Variants in CDH23 observed in about 807,000 individuals in gnomAD.
CDH23 encodes cadherin-23.
CDH23 carries 189 observed loss-of-function variants against 317.1 expected under a neutral mutation model. The observed-to-expected ratio is 0.60, with a 90% CI of 0.53 to 0.67. The LOEUF (loss-of-function observed/expected upper bound fraction) is 0.67, where lower values mean the gene tolerates loss of function less well. CDH23 is among the 30% of genes least tolerant of loss of function. The probability of loss-of-function intolerance (pLI) is 0.00; values close to 1 mark genes in which losing one functional copy is unlikely to be tolerated. For synonymous variants in CDH23, 1,839 were observed against 1,876.8 expected, an observed-to-expected ratio of 0.98 and a Z score of 0.52; for missense variants, 4,401 against 4,592.4, an observed-to-expected ratio of 0.96 and a Z score of 1.20.
chr10:71,475,591 A>G (rs1185040156), intron 3 of CDH23, among the ~76,000 whole-genome samples: 1 of 152,226 alleles, frequency 6.6e-6, no homozygotes, highest in Non-Finnish European at 1.5e-5. Context: ...AAGGTCTGTC[A>G]TCCTGTATGC....
At chr10:71,698,560 A>G (rs1338920000) in intron 22 of CDH23, among the ~76,000 whole-genome samples, 2 of 151,890 alleles carry the variant, frequency 1.3e-5, no homozygotes, top group East Asian at 3.9e-4. Flanking sequence ...CCCATCCCCA[A>G]CACACAGGCC....
rs546282440 is a variant in CDH23, at chr10:71,734,474, C to T, written c.4206+133C>T. ...CGAGGGTCTTGATAGCCTGAGGCTTCGCCATGTCCAGCCATGCCACACCTT... is the reference window on the plus strand; with the variant it reads ...CGAGGGTCTTGATAGCCTGAGGCTTTGCCATGTCCAGCCATGCCACACCTT... On this transcript the variant is annotated intron_variant, in intron 33 of 69. Coordinates refer to ENST00000224721, the MANE Select transcript of CDH23 (RefSeq NM_022124.6). 1.6e-3 allele frequency: 2,402 copies of T among 1,506,250 alleles called. 5 individuals are homozygous for T. Among genetic ancestry groups the T allele is most frequent in the Non-Finnish European group, 2.0e-3 (2,231 of 1,109,746 alleles). The allele number at this position is 1,506,250 out of a possible 1,614,324, so 93.3% of individuals were successfully genotyped here.
chr10:71,504,520 C>G (rs1482170176), intron 3 of CDH23, among the ~76,000 whole-genome samples: 1 of 152,196 alleles, frequency 6.6e-6, no homozygotes, highest in Non-Finnish European at 1.5e-5. Flanking sequence ...GGCATGAACA[C>G]AGATGCACAG....
At chr10:71,664,059 T>C (rs972205614) in intron 14 of CDH23, among the ~76,000 whole-genome samples, 3 of 149,684 alleles carry the variant, frequency 2.0e-5, no homozygotes, top group Admixed American at 6.6e-5. Context: ...CAGTGCCAGG[T>C]CCACAGATGG....
chr10:71,496,248 A>T (rs371323534), intron 3 of CDH23, among the ~76,000 whole-genome samples: 25 of 152,362 alleles, frequency 1.6e-4, no homozygotes, highest in African/African-American at 1.2e-4. Flanking sequence ...TCAGGTTGAG[A>T]TGCATGGCCT....
Position 71,815,047 on chromosome 10 carries a change from GC to G in CDH23, c.9837del (p.Asp3280MetfsTer36). 1.2e-6 allele frequency: 2 copies of G among 1,612,504 alleles called. No individual in the cohort carries two copies. The highest frequency in any genetic ancestry group is 1.7e-6 in the Non-Finnish European group (2 of 1,179,646). On this transcript the variant is annotated frameshift_variant, in exon 70 of 70. Transcript: ENST00000224721. LOFTEE classifies it high-confidence loss of function. The stretch of plus-strand genomic sequence containing the variant: ...ACAAGCCACCAGTGGAGCTCAAGGG[GC>G]CCGATGGGATCCATGTGGTGCACGG... ...RHKPPVELKGPDGIHVVHGST... is the reference protein window; with the variant it reads ...RHKPPVELKGXDGIHVVHGST...
intron 1 of CDH23, among the ~76,000 whole-genome samples, chr10:71,432,412 T>TGA (rs1200236576): frequency 1.1e-5 from 1 of 87,504 alleles, no homozygotes; most frequent in Non-Finnish European, 3.0e-5. Flanking sequence ...TTTGTGTGTG[T>TGA]GTGAGTGTGT....
At chr10:71,730,192 G>C (rs1038794153) in intron 30 of CDH23, among the ~76,000 whole-genome samples, 12 of 152,170 alleles carry the variant, frequency 7.9e-5, no homozygotes, top group Non-Finnish European at 1.3e-4. Flanking sequence ...GCCCCAAAGA[G>C]TCACTAATTA....
chr10:71,475,656 T>TC (rs1161869263), intron 3 of CDH23, among the ~76,000 whole-genome samples: 3 of 152,060 alleles, frequency 2.0e-5, no homozygotes, highest in African/African-American at 4.8e-5. Flanking sequence ...GGGGTCCCCG[T>TC]CCCCTGCTGG....
rs776230069 is a variant in CDH23, at chr10:71,759,846, C to CACACACACACACACACAT, written c.4846-17833_4846-17832insCACACACACACACACATA. Among the ~76,000 whole-genome samples the CACACACACACACACACAT allele has an allele frequency of 6.6e-3, 397 of 59,950 alleles. 13 individuals are homozygous for CACACACACACACACACAT. Among genetic ancestry groups the CACACACACACACACACAT allele is most frequent in the Non-Finnish European group, 9.1e-3 (263 of 29,036 alleles). 39.3% of individuals were successfully genotyped at this position (59,950 alleles called of 152,430 possible). Reference sequence around the variant, plus strand: ...ACACACACACACACACACACACACACATATACACACACACACACATATATA... The same window carrying CACACACACACACACACAT: ...ACACACACACACACACACACACACACACACACACACACACACATATATACACACACACACACATATATA... On this transcript the variant is annotated intron_variant, in intron 38 of 69. Transcript: ENST00000224721.
intron 1 of CDH23, among the ~76,000 whole-genome samples, chr10:71,415,781 T>A (rs1848508674): frequency 6.6e-6 from 1 of 152,218 alleles, no homozygotes; most frequent in African/African-American, 2.4e-5. Flanking sequence ...CCTCATTGCT[T>A]TATTTCCAAG....
chr10:71,448,327 G>A (rs899824249), intron 3 of CDH23, among the ~76,000 whole-genome samples: 4 of 152,210 alleles, frequency 2.6e-5, no homozygotes, highest in African/African-American at 2.4e-5. Flanking sequence ...TTTTGCAAAC[G>A]CCAGCATCGA....
At chr10:71,564,625 C>T (rs1018071818) in intron 6 of CDH23, among the ~76,000 whole-genome samples, 2 of 152,224 alleles carry the variant, frequency 1.3e-5, no homozygotes, top group Admixed American at 6.5e-5. Context: ...CAAATGTCCT[C>T]GCCTCCCCGA....
At chr10:71,650,117 G>T (rs750832267) in intron 14 of CDH23, among the ~76,000 whole-genome samples, 3 of 152,218 alleles carry the variant, frequency 2.0e-5, no homozygotes, top group Non-Finnish European at 4.4e-5. Context: ...TCCCAGGGTC[G>T]CTCCAGGTGG....
In CDH23 at chr10:71,577,933, T is replaced by C. The variant is rs1170656610; in HGVS notation, c.773T>C (p.Ile258Thr). 3.1e-6 allele frequency: 5 copies of C among 1,602,278 alleles called. No homozygotes were observed. The African/African-American group carries it at 5.4e-5, about 17-fold the overall frequency. ...GCCCAGGGCACGACGGTGCGCATCA[T>C]CACCGCCATAGACCAGGATAAAGGA... ...HSPPGTTVRI[I>T]TAIDQDKGRP... is the part of the protein sequence containing the mutation. Residue 258 changes from isoleucine (I) to threonine (T), a missense_variant, in exon 9 of 70, where the codon ATC becomes ACC. Around this residue, in one of 3 missense-constraint regions of CDH23, gnomAD observed 3,068 missense variants for 3,203.3 expected, o/e 0.96. Transcript: ENST00000224721.
At chr10:71,520,015 C>A (rs1236031704) in intron 6 of CDH23, among the ~76,000 whole-genome samples, 1 of 152,188 alleles carries the variant, frequency 6.6e-6, no homozygotes, top group Non-Finnish European at 1.5e-5. Flanking sequence ...ACCACGCTGC[C>A]CAGGCTGGCC....
intron 7 of CDH23, among the ~76,000 whole-genome samples, chr10:71,567,266 A>G (rs1343677503): frequency 6.6e-6 from 1 of 152,256 alleles, no homozygotes; most frequent in East Asian, 1.9e-4. Flanking sequence ...GCCCGACTCC[A>G]TAGCCTGCTC....
intron 1 of CDH23, among the ~76,000 whole-genome samples, chr10:71,428,119 C>T (rs1849190889): frequency 6.7e-6 from 1 of 149,958 alleles, no homozygotes; most frequent in African/African-American, 2.5e-5. Context: ...ACATGCTCAC[C>T]AACACTTGTT....
intron 1 of CDH23, among the ~76,000 whole-genome samples, chr10:71,429,648 G>A (rs1849276734): frequency 6.6e-6 from 1 of 152,192 alleles, no homozygotes. Flanking sequence ...CGGGTGCGTG[G>A]AAGATGTTCG....
Sources: gnomAD v4.1 joint callset for allele counts (sites outside exome capture counted in the v4.1 genomes callset) on GRCh38, gnomAD v4.1.1 for gene constraint, gnomAD v4.1.1 regional missense constraint, MANE v1.5 for transcripts, NCBI Gene and HGNC (gene_info 2026-07-23, HGNC 2026-07-21) for gene names.